PTCD3: variants seen among roughly 807,000 people sequenced by gnomAD.
PTCD3 encodes the protein small ribosomal subunit protein mS39.
Under a neutral mutation model 101.9 loss-of-function variants are expected in PTCD3, and 89 were observed. The ratio of observed to expected loss-of-function variants is 0.87; its 90% confidence interval spans 0.74 to 1.04. The LOEUF is 1.04. Among genes scored for constraint, PTCD3 ranks in the 50% least tolerant of loss-of-function variants. The probability of loss-of-function intolerance (pLI) is 0.00; values close to 1 mark genes in which losing one functional copy is unlikely to be tolerated. For missense variants in PTCD3, 870 were observed against 828.2 expected (o/e 1.05, Z -0.62); for synonymous variants, 296 against 278.5 (o/e 1.06, Z -0.63).
At chr2:86,119,100 G>A in intron 7 of PTCD3, 56 bp downstream of exon 7, 1 of 1,585,952 alleles carries the variant, frequency 6.3e-7, no homozygotes, top group East Asian at 2.2e-5. Context: ...GTGGGCCCAA[G>A]TTATATGATT....
At chr2:86,108,593 G>T in intron 3 of PTCD3, 57 bp downstream of exon 3, 2 of 1,501,992 alleles carry the variant, frequency 1.3e-6, no homozygotes, top group South Asian at 2.6e-5. Context: ...TATGAGAGAA[G>T]TGTAAGGGTT....
rs1573851170 is a variant in PTCD3 at position 86,119,232 on chromosome 2, G to T, written c.538+188G>T. The stretch of plus-strand genomic sequence containing the variant: ...TTAGTGTTACTTAAGAATTACAGGC[G>T]AAGTAGAATTGCAGCTTTGTTGGTT... On this transcript the variant is annotated intron_variant, in intron 7 of 23. Transcript: ENST00000254630. 5.6e-6 allele frequency: 4 copies of T among 717,662 alleles called. No homozygotes were observed. The South Asian group carries it at 8.9e-5, about 16-fold the overall frequency. The allele number at this position is 717,662 out of a possible 1,614,324, so 44.5% of individuals were successfully genotyped here.
At position 86,125,958 on chromosome 2, in the gene PTCD3, GGT is replaced by G; in HGVS notation, c.951+80_951+81del. The G allele has an allele frequency of 3.7e-6, 4 of 1,071,516 alleles. No individual in the cohort carries two copies. In the South Asian group the frequency reaches 5.8e-5, roughly 16 times the overall value. 66.4% of individuals were successfully genotyped at this position (1,071,516 alleles called of 1,614,324 possible). A position where few individuals can be genotyped will look rare whatever the true frequency, so the allele number is the denominator to read the frequency against. On this transcript the variant is annotated intron_variant, in intron 12 of 23. Transcript: ENST00000254630. ...AGAAATACATGGGCTGGCCAGGTGTGGTGGCTCAAACCTGTAATACCAGCACT... is the reference window on the plus strand; with the variant it reads ...AGAAATACATGGGCTGGCCAGGTGTGGGCTCAAACCTGTAATACCAGCACT...
At chr2:86,106,387 C>T in intron 1 of PTCD3, 36 bp downstream of exon 1, 1 of 1,595,742 alleles carries the variant, frequency 6.3e-7, no homozygotes, top group Non-Finnish European at 8.6e-7. Context: ...AAGAAGACCG[C>T]GGAGTCACCT....
chr2:86,120,461 T>C (rs1325406610), intron 7 of PTCD3, among the ~76,000 whole-genome samples: 3 of 152,238 alleles, frequency 2.0e-5, no homozygotes, highest in Non-Finnish European at 1.5e-5. Context: ...TATTAGGTAA[T>C]TTTTCCAGGG....
chr2:86,140,813 TCA>T lies in PTCD3; in HGVS notation c.*3258_*3259del, dbSNP rs1491555686. On this transcript the variant is annotated 3_prime_UTR_variant, in exon 24 of 24. Transcript: ENST00000254630. Reference sequence around the variant, plus strand: ...TGCTGTCCAGGCCAGGCACAGTGGCTCACACCTGTAATCCCAGGACTTCGGGA... The same window carrying T: ...TGCTGTCCAGGCCAGGCACAGTGGCTCACCTGTAATCCCAGGACTTCGGGA... The T allele has an allele frequency of 6.7e-6, 1 of 150,208 alleles. No individual in the cohort carries two copies. The highest frequency in any genetic ancestry group is 1.5e-5 in the Non-Finnish European group (1 of 67,912). 9.3% of individuals were successfully genotyped at this position (150,208 alleles called of 1,614,324 possible).
chr2:86,134,095 G>C (rs890438014), intron 19 of PTCD3, among the ~76,000 whole-genome samples, 197 bp from the exon 20 acceptor site: 1 of 152,204 alleles, frequency 6.6e-6, no homozygotes, highest in Non-Finnish European at 1.5e-5. Flanking sequence ...TGATGAACAC[G>C]TCACTGGAGC....
chr2:86,133,715 A>G (rs1674532078), intron 19 of PTCD3, among the ~76,000 whole-genome samples: 1 of 152,218 alleles, frequency 6.6e-6, no homozygotes, highest in Non-Finnish European at 1.5e-5. Context: ...ATAAATGCTA[A>G]TGGCGTGGCA....
At position 86,120,542 on chromosome 2, in the gene PTCD3, C is replaced by G. The variant is rs1333961215; in HGVS notation, c.539-937C>G. On this transcript the variant is annotated intron_variant, in intron 7 of 23. Transcript: ENST00000254630. ...TGTACCCTCTGCCCTGCTTTCTCTT[C>G]TGGACTTTTTACATTTCCTGATGGG... Among the ~76,000 whole-genome samples the G allele has an allele frequency of 3.9e-5, 6 of 152,174 alleles. No homozygotes were observed. The East Asian group carries it at 9.6e-4, about 24-fold the overall frequency.
At chr2:86,110,902 A>G (rs1051405887) in intron 3 of PTCD3, 6 of 736,978 alleles carry the variant, frequency 8.1e-6, no homozygotes, top group South Asian at 4.4e-5. Context: ...CAGGCCAGAG[A>G]GGACAGGCAA....
intron 19 of PTCD3, 150 bp downstream of exon 19, chr2:86,133,586 TCATGTTG>T: frequency 1.2e-6 from 1 of 821,912 alleles, no homozygotes; most frequent in Non-Finnish European, 1.9e-6. Context: ...GGTCATGTGC[TCATGTTG>T]CATGTTGGCT....
chr2:86,119,029 C>A lies in PTCD3; in HGVS notation c.523C>A (p.Gln175Lys). The change falls in exon 7 of 24, where the codon CAG becomes AAG. Residue 175 changes from glutamine to lysine, a missense_variant. Physicochemically the swap from Gln to Lys is moderately conservative, Grantham distance 53. Transcript: ENST00000254630. ...KVKASVDMFDQLLQAGTTVSL... is the reference protein window; with the variant it reads ...KVKASVDMFDKLLQAGTTVSL... Reference sequence around the variant, plus strand: ...CAAAGCCTCTGTGGACATGTTTGATCAGCTTTTGCAAGCAGGTGACTGAGT... The same window carrying A: ...CAAAGCCTCTGTGGACATGTTTGATAAGCTTTTGCAAGCAGGTGACTGAGT... 2 of 1,613,664 alleles carry A rather than the reference C, an allele frequency of 1.2e-6. No individual in the cohort carries two copies. Among genetic ancestry groups the A allele is most frequent in the Non-Finnish European group, 1.7e-6 (2 of 1,179,928 alleles).
At chr2:86,112,805 G>A (rs1674114738) in intron 4 of PTCD3, among the ~76,000 whole-genome samples, 1 of 152,054 alleles carries the variant, frequency 6.6e-6, no homozygotes. Flanking sequence ...TTAATTAAAG[G>A]CTTAATTTCA....
intron 14 of PTCD3, among the ~76,000 whole-genome samples, chr2:86,128,903 A>G (rs368588671): frequency 5.9e-5 from 9 of 152,224 alleles, no homozygotes; most frequent in East Asian, 3.8e-4. Flanking sequence ...GAGGCACTCA[A>G]AATCTTTTGG....
chr2:86,132,953 T>C, intron 17 of PTCD3: 2 of 585,610 alleles, frequency 3.4e-6, no homozygotes, highest in Admixed American at 3.5e-5. Context: ...GACCTAAGAG[T>C]ATACAGAGGA....
At chr2:86,135,210 C>T in intron 21 of PTCD3, 1 of 426,308 alleles carries the variant, frequency 2.3e-6, no homozygotes, top group East Asian at 3.4e-5. Context: ...AATTATCTTT[C>T]TACTTTCTGT....
intron 16 of PTCD3, among the ~76,000 whole-genome samples, chr2:86,131,624 C>T (rs1029586762): frequency 6.6e-6 from 1 of 152,122 alleles, no homozygotes; most frequent in Non-Finnish European, 1.5e-5. Context: ...TTCAGATTTG[C>T]CTATTAGTAA....
intron 4 of PTCD3, among the ~76,000 whole-genome samples, chr2:86,113,680 G>A (rs1219897371): frequency 1.3e-5 from 2 of 151,984 alleles, no homozygotes; most frequent in South Asian, 2.1e-4. Context: ...GGTAGTATGC[G>A]CCTGTAGTCC....
intron 17 of PTCD3, chr2:86,132,639 T>C (rs1674513724): frequency 7.1e-6 from 3 of 422,396 alleles, no homozygotes; most frequent in African/African-American, 4.1e-5. Context: ...TTTTTTTTTT[T>C]TTGCAACACT....
Sources: gnomAD v4.1 joint callset for allele counts (sites outside exome capture counted in the v4.1 genomes callset) on GRCh38, gnomAD v4.1.1 for gene constraint, MANE v1.5 for transcripts, NCBI Gene and HGNC (gene_info 2026-07-23, HGNC 2026-07-21) for gene names.